Variants in RIF1 observed in about 807,000 individuals in gnomAD.
RIF1 encodes telomere-associated protein RIF1.
RIF1 carries 45 observed loss-of-function variants against 247.1 expected under a neutral mutation model. The ratio of observed to expected loss-of-function variants is 0.18; its 90% CI spans 0.14 to 0.23. The LOEUF is 0.23. Ranked by LOEUF, RIF1 falls within the 10% of genes least tolerant of loss-of-function variation. The pLI is 1.00. For missense variants in RIF1, 2,967 were observed against 2,862.5 expected, an observed-to-expected ratio of 1.04 and a Z score of -0.83; for synonymous variants, 1,087 against 978.8, an observed-to-expected ratio of 1.11 and a Z score of -2.06.
At chr2:151,461,354 G>T in intron 27 of RIF1, 65 bp downstream of exon 27, 4 of 1,412,426 alleles carry the variant, frequency 2.8e-6, no homozygotes, top group Non-Finnish European at 3.9e-6. Context: ...TGCAAGAAAA[G>T]TGTAACTTTG....
At chr2:151,514,120 C>G in the RIF1 span, among the ~76,000 whole-genome samples, 1 of 152,152 alleles carries the variant, frequency 6.6e-6, no homozygotes, top group Non-Finnish European at 1.5e-5. Context: ...TACAGAAACA[C>G]ACTGTTACAA....
intron 4 of RIF1, among the ~76,000 whole-genome samples, chr2:151,415,240 G>A (rs746083961): frequency 4.6e-5 from 7 of 151,750 alleles, no homozygotes; most frequent in South Asian, 2.1e-4. Context: ...CCAGCTACTC[G>A]GGAGGCTGAG....
intron 7 of RIF1, 84 bp from the exon 8 acceptor site, chr2:151,422,866 G>A (rs1255974694): frequency 1.3e-6 from 1 of 758,762 alleles, no homozygotes; most frequent in Non-Finnish European, 2.2e-6. Context: ...GGTTGAATCA[G>A]TTTTTGAAAA....
At chr2:151,444,531 A>G (rs1159147875) in intron 18 of RIF1, among the ~76,000 whole-genome samples, 1 of 152,080 alleles carries the variant, frequency 6.6e-6, no homozygotes, top group Non-Finnish European at 1.5e-5. Flanking sequence ...GCGGATCTCA[A>G]ACTCTTGACC....
the RIF1 span, among the ~76,000 whole-genome samples, chr2:151,515,501 C>T: frequency 6.6e-6 from 1 of 152,066 alleles, no homozygotes; most frequent in Non-Finnish European, 1.5e-5. Context: ...GTGTATGCCA[C>T]CACACTGAGT....
chr2:151,438,360 C>T lies in RIF1; in HGVS notation c.1484-324C>T, dbSNP rs1282404181. 3.9e-5 allele frequency among the ~76,000 whole-genome samples: 6 copies of T among 152,144 alleles called. No individual in the cohort carries two copies. In the East Asian group the frequency reaches 1.2e-3, roughly 29 times the overall value. ...GGGTGTAGTGGTGTGTACCTATAGT[C>T]CTAGCTACTTGGGAGGCTGATGTGG... On this transcript the variant is annotated intron_variant, in intron 13 of 35. Transcript: ENST00000444746.
intron 15 of RIF1, 87 bp downstream of exon 15, chr2:151,440,214 G>T (rs192027493): frequency 5.2e-6 from 4 of 766,192 alleles, no homozygotes; most frequent in Non-Finnish European, 6.5e-6. Flanking sequence ...AATCTAGTTT[G>T]GGAAGACTTT....
chr2:151,420,074 A>T, intron 6 of RIF1, 116 bp from the exon 7 acceptor site: 1 of 791,618 alleles, frequency 1.3e-6, no homozygotes, highest in Non-Finnish European at 2.0e-6. Context: ...GCATATTTGT[A>T]TATATTCTAA....
chr2:151,472,265 T>A (rs916002009), intron 34 of RIF1, among the ~76,000 whole-genome samples: 3 of 152,200 alleles, frequency 2.0e-5, no homozygotes, highest in Admixed American at 6.5e-5. Flanking sequence ...CCAAGGAGAT[T>A]TTGGGCTGAG....
intron 9 of RIF1, chr2:151,493,085 G>A (rs2057830061): frequency 2.6e-6 from 1 of 377,416 alleles, no homozygotes; most frequent in Non-Finnish European, 4.8e-6. Context: ...TCAAAGTATA[G>A]GGGAAGGAAA....
the RIF1 span, among the ~76,000 whole-genome samples, chr2:151,523,169 T>A: frequency 1.3e-5 from 2 of 152,246 alleles, no homozygotes; most frequent in African/African-American, 2.4e-5. Flanking sequence ...TCTTAGAGAT[T>A]CCACTGTTTT....
At chr2:151,427,077 C>G (rs1558948640) in intron 8 of RIF1, among the ~76,000 whole-genome samples, 1 of 146,886 alleles carries the variant, frequency 6.8e-6, no homozygotes. Flanking sequence ...TTTTCTAAAC[C>G]TTTTTTTTTT....
At chr2:151,415,870 G>C (rs1173917962) in intron 4 of RIF1, among the ~76,000 whole-genome samples, 1 of 151,968 alleles carries the variant, frequency 6.6e-6, no homozygotes, top group African/African-American at 2.4e-5. Flanking sequence ...GTGAAACTCC[G>C]TCTCAAAAAA....
intron 11 of RIF1, among the ~76,000 whole-genome samples, chr2:151,502,192 G>T (rs2065148856): frequency 6.6e-6 from 1 of 151,976 alleles, no homozygotes; most frequent in Non-Finnish European, 1.5e-5. Context: ...GCATAAGAAT[G>T]ATACAGTGAA....
the RIF1 span, chr2:151,529,170 T>C: frequency 2.2e-6 from 3 of 1,367,786 alleles, no homozygotes; most frequent in Non-Finnish European, 3.1e-6. Flanking sequence ...CAGAAGCTGG[T>C]AAATCCCCCA....
chr2:151,443,439 CT>C lies in RIF1; in HGVS notation c.1806-85del, dbSNP rs1692715915. The C allele has an allele frequency of 2.9e-6, 4 of 1,383,408 alleles. No homozygotes were observed. In the African/African-American group the frequency reaches 4.4e-5, roughly 15 times the overall value. 85.7% of individuals were successfully genotyped at this position (1,383,408 alleles called of 1,614,324 possible). ...AGTTTTTTTAAAAAAAATTCGTTAA[CT>C]TTTTGTCAGTTATTTTAGAATTTTG... On this transcript the variant is annotated intron_variant, in intron 17 of 35. Coordinates refer to ENST00000444746, the MANE Select transcript of RIF1 (RefSeq NM_018151.5).
chr2:151,516,744 G>T, the RIF1 span, among the ~76,000 whole-genome samples: 1 of 152,154 alleles, frequency 6.6e-6, no homozygotes, highest in Non-Finnish European at 1.5e-5. Flanking sequence ...GTGTTGAGGG[G>T]ATGGGTACCA....
intron 9 of RIF1, chr2:151,493,090 AG>A: frequency 5.1e-6 from 2 of 388,410 alleles, no homozygotes. Flanking sequence ...GTATAGGGGA[AG>A]GAAAACATTG....
At chr2:151,423,139 T>C in intron 8 of RIF1, 97 bp downstream of exon 8, 1 of 689,912 alleles carries the variant, frequency 1.4e-6, no homozygotes, top group East Asian at 2.9e-5. Context: ...TTATTTCCTT[T>C]GTACAGCTGA....
Sources: gnomAD v4.1 joint callset for allele counts (sites outside exome capture counted in the v4.1 genomes callset) on GRCh38, gnomAD v4.1.1 for gene constraint, MANE v1.5 for transcripts, NCBI Gene and HGNC (gene_info 2026-07-23, HGNC 2026-07-21) for gene names.